The following PTPRT variants were observed in gnomAD, a reference collection of about 807,000 sequenced individuals.
The protein encoded by PTPRT is receptor-type tyrosine-protein phosphatase T.
PTPRT carries 56 observed loss-of-function variants against 176.8 expected under a neutral mutation model. That is an observed-to-expected ratio of 0.32 (90% CI 0.26 to 0.40). PTPRT has a LOEUF of 0.40. PTPRT is among the 10% of genes least tolerant of loss of function. The probability of loss-of-function intolerance (pLI) is 1.00; values close to 1 mark genes in which losing one functional copy is unlikely to be tolerated. For synonymous variants in PTPRT, 783 were observed against 739.0 expected (o/e 1.06, Z -0.96); for missense variants, 1,540 against 1,908.2 (o/e 0.81, Z 3.60).
intron 6 of PTPRT, among the ~76,000 whole-genome samples, chr20:42,725,274 T>C (rs141840152): frequency 6.6e-6 from 1 of 151,228 alleles, no homozygotes; most frequent in South Asian, 2.1e-4. Context: ...AGTGAGACTG[T>C]CTCAAAAAAA....
intron 2 of PTPRT, among the ~76,000 whole-genome samples, chr20:42,844,618 T>C (rs1209012377): frequency 1.3e-5 from 2 of 152,190 alleles, no homozygotes. Flanking sequence ...TGCTGACCAC[T>C]CCCCATGACT....
At chr20:42,282,004 C>T (rs1385225037) in intron 13 of PTPRT, among the ~76,000 whole-genome samples, 1 of 152,008 alleles carries the variant, frequency 6.6e-6, no homozygotes, top group African/African-American at 2.4e-5. Flanking sequence ...GTTGAAAATG[C>T]CAACCACGTA....
chr20:42,850,469 A>T (rs1462607830), intron 2 of PTPRT, among the ~76,000 whole-genome samples: 1 of 152,238 alleles, frequency 6.6e-6, no homozygotes, highest in East Asian at 1.9e-4. Flanking sequence ...TCATTATGGC[A>T]AGGGCTGGAT....
At chr20:42,932,115 G>A (rs1979893706) in intron 1 of PTPRT, among the ~76,000 whole-genome samples, 1 of 152,246 alleles carries the variant, frequency 6.6e-6, no homozygotes, top group South Asian at 2.1e-4. Flanking sequence ...CACACGACCA[G>A]GGGTGACTAT....
intron 1 of PTPRT, among the ~76,000 whole-genome samples, chr20:42,984,761 T>G (rs1472328640): frequency 4.6e-5 from 7 of 152,226 alleles, no homozygotes; most frequent in Non-Finnish European, 1.0e-4. Flanking sequence ...AAGAAGAGCC[T>G]AGGCTTGTCT....
chr20:42,738,648 T>C (rs2076569177), intron 6 of PTPRT, among the ~76,000 whole-genome samples: 1 of 152,258 alleles, frequency 6.6e-6, no homozygotes, highest in Non-Finnish European at 1.5e-5. Flanking sequence ...TGTATCCCTG[T>C]GTCTAGAAGA....
rs150258724 is a variant in PTPRT, at chr20:43,160,448, A to G, written c.88+29198T>C. On this transcript the variant is annotated intron_variant, in intron 1 of 30. Coordinates refer to ENST00000373187, the MANE Select transcript of PTPRT (RefSeq NM_007050.6). ...GGATAAGGCAATAAGAATAAATAAAATTAAGTGGTTTCTTTACACAGGACT... is the reference window on the plus strand; with the variant it reads ...GGATAAGGCAATAAGAATAAATAAAGTTAAGTGGTTTCTTTACACAGGACT... Among the ~76,000 whole-genome samples the G allele has an allele frequency of 3.8e-3, 574 of 152,310 alleles. 11 individuals carry two copies. Among genetic ancestry groups the G allele is most frequent in the Admixed American group, 0.034 (521 of 15,302 alleles).
At chr20:42,260,130 CACAGGAA>C (rs1242418917) in intron 13 of PTPRT, among the ~76,000 whole-genome samples, 4 of 152,236 alleles carry the variant, frequency 2.6e-5, no homozygotes, top group African/African-American at 9.6e-5. Flanking sequence ...CAGAAGTGTG[CACAGGAA>C]AGGGCATGCC....
chr20:42,705,428 G>C (rs2076038976), intron 6 of PTPRT, among the ~76,000 whole-genome samples: 1 of 151,850 alleles, frequency 6.6e-6, no homozygotes, highest in African/African-American at 2.4e-5. Flanking sequence ...GGCGGGGTGG[G>C]GGGAGGTGCG....
chr20:43,140,505 C>G (rs1468872910), intron 1 of PTPRT, among the ~76,000 whole-genome samples: 2 of 148,414 alleles, frequency 1.3e-5, no homozygotes, highest in East Asian at 4.0e-4. Flanking sequence ...TACATACATG[C>G]ACGTGTGTGT....
intron 17 of PTPRT, among the ~76,000 whole-genome samples, chr20:42,143,501 G>T (rs1482100697): frequency 6.6e-6 from 1 of 150,558 alleles, no homozygotes; most frequent in Non-Finnish European, 1.5e-5. Context: ...AGCTGGCAAT[G>T]AGCTGAGAGC....
intron 2 of PTPRT, among the ~76,000 whole-genome samples, chr20:42,875,619 T>C (rs796745168): frequency 1.3e-4 from 20 of 152,224 alleles, no homozygotes; most frequent in African/African-American, 4.1e-4. Flanking sequence ...GAATAAACCA[T>C]GGTTCATTCA....
chr20:43,123,295 C>G (rs1236229095), intron 1 of PTPRT, among the ~76,000 whole-genome samples: 1 of 152,194 alleles, frequency 6.6e-6, no homozygotes, highest in Non-Finnish European at 1.5e-5. Context: ...TTTGAGCAAA[C>G]ATGCCCATGA....
chr20:42,634,078 A>AT (rs2074534294), intron 7 of PTPRT, among the ~76,000 whole-genome samples: 3 of 39,368 alleles, frequency 7.6e-5, no homozygotes, highest in African/African-American at 2.6e-4. Context: ...TATATATAAT[A>AT]TATATATAAT....
chr20:42,084,329 T>A (rs1983653195), intron 29 of PTPRT, among the ~76,000 whole-genome samples: 1 of 152,238 alleles, frequency 6.6e-6, no homozygotes, highest in Non-Finnish European at 1.5e-5. Context: ...CTAGAGTCCT[T>A]CACATCCATC....
At chr20:42,858,222 A>G (rs2078599212) in intron 2 of PTPRT, among the ~76,000 whole-genome samples, 1 of 152,352 alleles carries the variant, frequency 6.6e-6, no homozygotes, top group South Asian at 2.1e-4. Context: ...TTAAAATGGT[A>G]AGGAAGACAT....
intron 15 of PTPRT, among the ~76,000 whole-genome samples, chr20:42,211,802 T>C (rs374693844): frequency 6.6e-6 from 1 of 150,600 alleles, no homozygotes; most frequent in African/African-American, 2.5e-5. Flanking sequence ...ACTGGGTATA[T>C]ACCCAAAGGA....
intron 1 of PTPRT, among the ~76,000 whole-genome samples, chr20:42,972,689 A>AG (rs1488034692): frequency 1.4e-5 from 2 of 147,880 alleles, no homozygotes; most frequent in East Asian, 3.9e-4. Context: ...AAAAAAAAAA[A>AG]AAAAAAAAAG....
At chr20:43,121,936 T>C (rs1260800784) in intron 1 of PTPRT, among the ~76,000 whole-genome samples, 1 of 152,196 alleles carries the variant, frequency 6.6e-6, no homozygotes, top group African/African-American at 2.4e-5. Flanking sequence ...TTGAATAACT[T>C]GCCCAACACT....
Sources: gnomAD v4.1 joint callset for allele counts (sites outside exome capture counted in the v4.1 genomes callset) on GRCh38, gnomAD v4.1.1 for gene constraint, MANE v1.5 for transcripts, NCBI Gene and HGNC (gene_info 2026-07-23, HGNC 2026-07-21) for gene names.